PALLD: variants seen among roughly 807,000 people sequenced by gnomAD.
PALLD encodes palladin, cytoskeletal associated protein.
PALLD carries 61 observed loss-of-function variants against 123.5 expected under a neutral mutation model. The observed-to-expected ratio is 0.49, with a 90% CI of 0.40 to 0.61. The LOEUF (loss-of-function observed/expected upper bound fraction) is 0.61. PALLD is among the 20% of genes least tolerant of loss of function. The probability of loss-of-function intolerance (pLI) is 0.00; values close to 1 mark genes in which losing one functional copy is unlikely to be tolerated. For missense variants in PALLD, 1,273 were observed against 1,377.0 expected, an observed-to-expected ratio of 0.92 and a Z score of 1.20; for synonymous variants, 465 against 496.4, an observed-to-expected ratio of 0.94 and a Z score of 0.84.
chr4:168,729,591 A>G (rs1786949955), intron 10 of PALLD, among the ~76,000 whole-genome samples: 1 of 152,142 alleles, frequency 6.6e-6, no homozygotes, highest in Non-Finnish European at 1.5e-5. Flanking sequence ...ACTGCTCCCT[A>G]GGATCAATGC....
chr4:168,658,284 G>GTTTTTTTTTTT lies in PALLD; in HGVS notation c.909-9906_909-9905insTTTTTTTTTTT, dbSNP rs755942969. On this transcript the variant is annotated intron_variant, in intron 2 of 21. Transcript: ENST00000505667. ...TTTTGTTGGTGGTGGGTTTTTATTT[G>GTTTTTTTTTTT]GTTTTTTTTTTTTTTTTTGTGATGA... 7.9e-4 allele frequency among the ~76,000 whole-genome samples: 95 copies of GTTTTTTTTTTT among 120,702 alleles called. 3 individuals carry two copies. The highest frequency in any genetic ancestry group is 4.5e-3 in the Middle Eastern group (1 of 224). The allele number at this position is 120,702 out of a possible 152,430, so 79.2% of individuals were successfully genotyped here. A position where few individuals can be genotyped will look rare whatever the true frequency, so the allele number is the denominator to read the frequency against.
chr4:168,774,096 AT>A (rs1342530695), intron 10 of PALLD, among the ~76,000 whole-genome samples: 2 of 150,236 alleles, frequency 1.3e-5, no homozygotes, highest in South Asian at 2.1e-4. Context: ...ATTAAAAAAA[AT>A]ATATATATCC....
intron 2 of PALLD, among the ~76,000 whole-genome samples, chr4:168,550,970 A>G (rs778125167): frequency 7.9e-5 from 12 of 152,216 alleles, no homozygotes; most frequent in Non-Finnish European, 1.5e-4. Context: ...CGTAGCTTCT[A>G]CAAAGTTTGC....
chr4:168,542,379 G>A (rs141555954), intron 2 of PALLD, among the ~76,000 whole-genome samples: 159 of 151,720 alleles, frequency 1.0e-3, no homozygotes, highest in African/African-American at 3.7e-3. Flanking sequence ...TCATACCACT[G>A]CACTCTAGCC....
chr4:168,809,485 GA>G (rs1299492747), intron 10 of PALLD, among the ~76,000 whole-genome samples: 2 of 152,254 alleles, frequency 1.3e-5, no homozygotes, highest in South Asian at 2.1e-4. Context: ...AAGGCCATAA[GA>G]AAGAAGAAAT....
chr4:168,824,773 A>G (rs1743186128), intron 10 of PALLD, among the ~76,000 whole-genome samples: 1 of 150,932 alleles, frequency 6.6e-6, no homozygotes, highest in Non-Finnish European at 1.5e-5. Context: ...ATTATTGTCA[A>G]TTGTTTTAAC....
At chr4:168,634,417 T>A (rs1776135655) in intron 2 of PALLD, among the ~76,000 whole-genome samples, 1 of 152,246 alleles carries the variant, frequency 6.6e-6, no homozygotes, top group African/African-American at 2.4e-5. Context: ...GTGGTATTTG[T>A]GAATGTTTTC....
intron 10 of PALLD, among the ~76,000 whole-genome samples, chr4:168,837,234 A>G (rs576684723): frequency 6.6e-6 from 1 of 152,286 alleles, no homozygotes; most frequent in African/African-American, 2.4e-5. Flanking sequence ...GTCATCACCT[A>G]TGGGACCAAT....
At chr4:168,670,805 G>A (rs1171513726) in intron 3 of PALLD, among the ~76,000 whole-genome samples, 1,392 of 132,098 alleles carry the variant, frequency 0.011, 54 homozygotes, top group African/African-American at 0.038. Context: ...AAACAAAAAA[G>A]CTGGGTGCAA....
intron 2 of PALLD, among the ~76,000 whole-genome samples, chr4:168,602,068 C>A (rs1392995269): frequency 1.3e-5 from 2 of 152,180 alleles, no homozygotes; most frequent in Admixed American, 1.3e-4. Context: ...TCCGGTGAGT[C>A]TGCAGATATT....
intron 10 of PALLD, among the ~76,000 whole-genome samples, chr4:168,736,014 T>C (rs747711971): frequency 1.3e-5 from 2 of 152,182 alleles, no homozygotes; most frequent in Non-Finnish European, 2.9e-5. Flanking sequence ...CCAGAAACTC[T>C]CCAGTGATGT....
intron 10 of PALLD, among the ~76,000 whole-genome samples, chr4:168,725,822 A>C (rs958009959): frequency 3.3e-5 from 5 of 152,072 alleles, no homozygotes; most frequent in Non-Finnish European, 4.4e-5. Flanking sequence ...CACCACACCC[A>C]GCCTGTTCTC....
chr4:168,792,245 C>T (rs904449724), intron 10 of PALLD, among the ~76,000 whole-genome samples: 24 of 151,972 alleles, frequency 1.6e-4, no homozygotes, highest in Non-Finnish European at 2.6e-4. Flanking sequence ...CACCTCATGT[C>T]GCATCACGGA....
chr4:168,649,507 C>G (rs1003143069), intron 2 of PALLD, among the ~76,000 whole-genome samples: 11 of 152,180 alleles, frequency 7.2e-5, no homozygotes. Flanking sequence ...TAGTTGCCTG[C>G]ATCCCAAGTC....
At chr4:168,858,920 C>T (rs909392503) in intron 10 of PALLD, among the ~76,000 whole-genome samples, 1 of 152,214 alleles carries the variant, frequency 6.6e-6, no homozygotes, top group Non-Finnish European at 1.5e-5. Flanking sequence ...TGGATTCACT[C>T]CCATCCCCCT....
intron 10 of PALLD, among the ~76,000 whole-genome samples, chr4:168,769,495 C>T (rs904264577): frequency 3.3e-5 from 5 of 152,138 alleles, no homozygotes; most frequent in Admixed American, 2.0e-4. Context: ...GTCTCAAAGC[C>T]GTTGCCTAGA....
At chr4:168,846,645 A>G (rs192475620) in intron 10 of PALLD, among the ~76,000 whole-genome samples, 1 of 152,336 alleles carries the variant, frequency 6.6e-6, no homozygotes, top group East Asian at 1.9e-4. Flanking sequence ...AATTAAGGTG[A>G]CTGATTACCA....
chr4:168,521,371 T>G (rs940489690), intron 2 of PALLD, among the ~76,000 whole-genome samples: 1 of 152,218 alleles, frequency 6.6e-6, no homozygotes, highest in Non-Finnish European at 1.5e-5. Flanking sequence ...TTCAACTTTC[T>G]GTGCCTCAGT....
intron 10 of PALLD, among the ~76,000 whole-genome samples, chr4:168,782,371 A>C (rs1242428569): frequency 6.6e-6 from 1 of 152,238 alleles, no homozygotes; most frequent in Non-Finnish European, 1.5e-5. Flanking sequence ...CTAGAAAATT[A>C]GTAGAGAAAA....
Sources: gnomAD v4.1 joint callset for allele counts (sites outside exome capture counted in the v4.1 genomes callset) on GRCh38, gnomAD v4.1.1 for gene constraint, MANE v1.5 for transcripts, NCBI Gene and HGNC (gene_info 2026-07-23, HGNC 2026-07-21) for gene names.